The following DMD variants were observed in gnomAD, a reference collection of about 807,000 sequenced individuals.
DMD encodes mutant dystrophin.
A neutral mutation model predicts 330.1 loss-of-function variants in DMD; 63 were observed. The observed-to-expected ratio is 0.19, with a 90% CI of 0.16 to 0.24. The LOEUF (loss-of-function observed/expected upper bound fraction) is 0.24, where lower values mean the gene tolerates loss of function less well. DMD is among the 10% of genes least tolerant of loss of function. The pLI is 1.00. For missense variants in DMD, 3,344 were observed against 2,684.1 expected (o/e 1.25, Z -5.43); for synonymous variants, 1,223 against 959.8 (o/e 1.27, Z -5.07).
intron 65 of DMD, 79 bp downstream of exon 65, chrX:31,209,419 A>T: frequency 1.0e-6 from 1 of 980,511 alleles, no homozygotes; most frequent in Non-Finnish European, 1.5e-6. Context: ...GCCCTGTTGT[A>T]ATGCTAATTA....
At chrX:32,998,984 A>G (rs752672582) in intron 2 of DMD, among the ~76,000 whole-genome samples, 2 of 112,131 alleles carry the variant, frequency 1.8e-5, no homozygotes, top group Non-Finnish European at 3.8e-5. Flanking sequence ...ATAATTACAC[A>G]ACATGTTATA....
intron 37 of DMD, among the ~76,000 whole-genome samples, chrX:32,352,219 CA>C (rs1444386335): frequency 9.1e-6 from 1 of 110,497 alleles, no homozygotes. Flanking sequence ...ATTTTAGGAA[CA>C]AAATCCTTTT....
intron 44 of DMD, among the ~76,000 whole-genome samples, chrX:32,159,538 T>C (rs1194233914): frequency 8.9e-6 from 1 of 112,128 alleles, no homozygotes; most frequent in African/African-American, 3.2e-5. Flanking sequence ...ATAAGTTTTA[T>C]GTCCTCAATG....
At chrX:33,187,598 T>C (rs1269499275) in intron 1 of DMD, among the ~76,000 whole-genome samples, 3 of 111,249 alleles carry the variant, frequency 2.7e-5, no homozygotes, top group Non-Finnish European at 5.7e-5. Flanking sequence ...AAAAATAAGG[T>C]AGTTTAGCAT....
intron 2 of DMD, among the ~76,000 whole-genome samples, chrX:32,852,514 G>A (rs990642403): frequency 9.0e-6 from 1 of 110,915 alleles, no homozygotes; most frequent in Non-Finnish European, 1.9e-5. Context: ...GAAAGGAGAG[G>A]CAATAGAGTG....
chrX:32,352,178 G>A (rs1382026543), intron 37 of DMD, among the ~76,000 whole-genome samples: 2 of 110,295 alleles, frequency 1.8e-5, no homozygotes, highest in East Asian at 2.8e-4. Context: ...ATGTTTATAA[G>A]CAGAGACTAG....
chrX:32,411,823 A>G lies in DMD; in HGVS notation c.4162T>C (p.Phe1388Leu), dbSNP rs28715870. ...SLHLIQESLT[F>L]IDKQLAAYIA... ...TAAGCTGCCAACTGCTTGTCAATGA[A>G]TGTGAGGGACTCCTGGATTAAGTGT... Residue 1388 changes from phenylalanine to leucine, a missense_variant, in exon 30 of 79, where the codon TTC becomes CTC. By Grantham distance (22) the Phe-to-Leu change is conservative (BLOSUM62 0). Transcript: ENST00000357033. 1 of 1,208,962 alleles carries G rather than the reference A, an allele frequency of 8.3e-7. No individual in the cohort carries two copies. The highest frequency in any genetic ancestry group is 1.8e-5 in the African/African-American group (1 of 57,016).
chrX:32,185,523 C>T (rs765287406), intron 44 of DMD, among the ~76,000 whole-genome samples: 19 of 111,376 alleles, frequency 1.7e-4, no homozygotes, highest in African/African-American at 5.2e-4. Flanking sequence ...AATCATTATC[C>T]ATATAGTCTT....
At chrX:32,449,119 T>C (rs988505614) in intron 26 of DMD, among the ~76,000 whole-genome samples, 16 of 110,944 alleles carry the variant, frequency 1.4e-4, no homozygotes, top group African/African-American at 5.2e-4. Flanking sequence ...TTTAGGAACA[T>C]ATTTTGATAA....
At chrX:31,227,571 T>G (rs1357946880) in intron 63 of DMD, among the ~76,000 whole-genome samples, 1 of 111,374 alleles carries the variant, frequency 9.0e-6, no homozygotes, top group Non-Finnish European at 1.9e-5. Context: ...TAGGACTGAC[T>G]TGGCAATGCG....
intron 2 of DMD, among the ~76,000 whole-genome samples, chrX:32,941,677 G>C (rs138641300): frequency 2.3e-3 from 256 of 110,786 alleles, no homozygotes; most frequent in African/African-American, 7.9e-3. Flanking sequence ...AGGGGGATAA[G>C]GGTTGAAAAA....
At chrX:32,550,796 G>C (rs1426211435) in intron 16 of DMD, among the ~76,000 whole-genome samples, 1 of 110,335 alleles carries the variant, frequency 9.1e-6, no homozygotes, top group Admixed American at 9.7e-5. Flanking sequence ...AATGACAAAG[G>C]GGATGTTACC....
intron 1 of DMD, among the ~76,000 whole-genome samples, chrX:33,049,914 A>G (rs778180908): frequency 8.9e-6 from 1 of 111,998 alleles, no homozygotes; most frequent in Non-Finnish European, 1.9e-5. Flanking sequence ...AATTGGTTCA[A>G]TAAAGTGTTC....
chrX:32,248,556 A>G (rs12853109), intron 43 of DMD, among the ~76,000 whole-genome samples: 7 of 109,211 alleles, frequency 6.4e-5, no homozygotes, highest in Non-Finnish European at 1.1e-4. Context: ...AACCCACTTT[A>G]TATTCTGTTT....
intron 47 of DMD, among the ~76,000 whole-genome samples, chrX:31,881,910 G>C (rs2094076174): frequency 8.9e-6 from 1 of 112,157 alleles, no homozygotes; most frequent in Non-Finnish European, 1.9e-5. Flanking sequence ...AGACCGAAAA[G>C]TTAAGCTTCT....
At chrX:31,208,066 G>A (rs941868340) in intron 65 of DMD, among the ~76,000 whole-genome samples, 6 of 111,454 alleles carry the variant, frequency 5.4e-5, no homozygotes, top group Non-Finnish European at 1.1e-4. Context: ...AAAGCTACTG[G>A]CCCTTAGATA....
intron 62 of DMD, among the ~76,000 whole-genome samples, chrX:31,295,710 G>A (rs1446243601): frequency 8.9e-6 from 1 of 112,165 alleles, no homozygotes; most frequent in Non-Finnish European, 1.9e-5. Flanking sequence ...CACCACACCC[G>A]GCCTTGACTT....
chrX:31,748,957 G>A (rs1166194179), intron 51 of DMD, among the ~76,000 whole-genome samples: 1 of 110,954 alleles, frequency 9.0e-6, no homozygotes, highest in Non-Finnish European at 1.9e-5. Context: ...GCCGAAGCTG[G>A]GCTAGATGCT....
chrX:31,855,599 A>G (rs182557897), intron 48 of DMD, among the ~76,000 whole-genome samples: 14 of 112,068 alleles, frequency 1.2e-4, no homozygotes, highest in African/African-American at 4.2e-4. Flanking sequence ...AAAATTAAAG[A>G]TGTTTTGTTT....
Sources: allele counts gnomAD v4.1 joint callset (sites outside exome capture counted in the v4.1 genomes callset), GRCh38; gene constraint gnomAD v4.1.1; transcripts MANE v1.5; gene names NCBI Gene and HGNC (gene_info 2026-07-23, HGNC 2026-07-21).